Variants in UNC13C observed in about 807,000 individuals in gnomAD.
UNC13C encodes the protein unc-13 homolog C, also known as protein unc-13 homolog C.
Under a neutral mutation model 245.4 loss-of-function variants are expected in UNC13C, and 174 were observed. The observed-to-expected ratio is 0.71, with a 90% CI of 0.63 to 0.80. The LOEUF is 0.80. Among genes scored for constraint, UNC13C ranks in the 30% least tolerant of loss-of-function variants. The probability of loss-of-function intolerance (pLI) is 0.00; values close to 1 mark genes in which losing one functional copy is unlikely to be tolerated. For missense variants in UNC13C, 2,829 were observed against 2,602.9 expected (o/e 1.09, Z -1.89); for synonymous variants, 992 against 895.1 (o/e 1.11, Z -1.93).
intron 4 of UNC13C, among the ~76,000 whole-genome samples, chr15:54,194,426 G>T (rs2034286543): frequency 6.6e-6 from 1 of 151,946 alleles, no homozygotes. Context: ...ATTATTTGTG[G>T]CAAGGACAAT....
chr15:54,347,510 G>A (rs1399264128), intron 17 of UNC13C, among the ~76,000 whole-genome samples: 1 of 152,112 alleles, frequency 6.6e-6, no homozygotes, highest in Non-Finnish European at 1.5e-5. Context: ...TAGTTCTGAA[G>A]CACACTTAGG....
At chr15:53,913,860 T>C in the UNC13C span, 4 of 152,212 alleles carry the variant, frequency 2.6e-5, no homozygotes, top group African/African-American at 9.7e-5. Flanking sequence ...GCTGCCTGGA[T>C]TGCTGCCACA....
intron 18 of UNC13C, among the ~76,000 whole-genome samples, chr15:54,408,976 A>C (rs184705018): frequency 1.1e-3 from 171 of 152,150 alleles, no homozygotes; most frequent in Admixed American, 4.1e-3. Flanking sequence ...CAATGAGGGG[A>C]CTCCTGGGGC....
chr15:54,076,354 C>T (rs529466378), intron 2 of UNC13C, among the ~76,000 whole-genome samples: 85 of 145,708 alleles, frequency 5.8e-4, no homozygotes, highest in Non-Finnish European at 5.8e-4. Flanking sequence ...TGAGAATATG[C>T]GGTGTTTGGT....
chr15:54,027,068 C>T (rs1896140724), intron 2 of UNC13C, among the ~76,000 whole-genome samples: 1 of 150,452 alleles, frequency 6.6e-6, no homozygotes, highest in Admixed American at 6.7e-5. Context: ...AGAATGAATA[C>T]ATTGAGCCAG....
At chr15:54,301,875 C>T (rs2037592836) in intron 13 of UNC13C, among the ~76,000 whole-genome samples, 1 of 152,132 alleles carries the variant, frequency 6.6e-6, no homozygotes, top group Non-Finnish European at 1.5e-5. Flanking sequence ...CTGTGTTCCA[C>T]AATGGTTGAA....
the UNC13C span, among the ~76,000 whole-genome samples, chr15:53,937,972 A>G: frequency 6.6e-6 from 1 of 152,198 alleles, no homozygotes; most frequent in Non-Finnish European, 1.5e-5. Flanking sequence ...GCAACCACAT[A>G]AACAAGTCTG....
chr15:54,408,182 A>T (rs1410008425), intron 18 of UNC13C, among the ~76,000 whole-genome samples: 1 of 121,154 alleles, frequency 8.3e-6, no homozygotes, highest in Non-Finnish European at 1.6e-5. Flanking sequence ...CCTGGGTGAC[A>T]GAGTGAGACT....
chr15:54,296,195 A>T (rs894838564), intron 11 of UNC13C, among the ~76,000 whole-genome samples: 10 of 150,198 alleles, frequency 6.7e-5, no homozygotes, highest in African/African-American at 2.5e-4. Context: ...GAGAATTTTT[A>T]TTTTTATTTA....
At chr15:54,122,936 G>A (rs1017713093) in intron 2 of UNC13C, among the ~76,000 whole-genome samples, 1 of 151,978 alleles carries the variant, frequency 6.6e-6, no homozygotes, top group African/African-American at 2.4e-5. Flanking sequence ...AAGTATTCAT[G>A]TGAACATGTA....
chr15:54,038,720 G>C (rs1418806104), intron 2 of UNC13C, among the ~76,000 whole-genome samples: 1 of 152,078 alleles, frequency 6.6e-6, no homozygotes, highest in Non-Finnish European at 1.5e-5. Flanking sequence ...AAACCTAACA[G>C]TTCTCTTTGA....
chr15:54,289,678 G>A lies in UNC13C; in HGVS notation c.3819-4217G>A, dbSNP rs545827481. Among the ~76,000 whole-genome samples, 283 of 152,236 alleles carry A rather than the reference G, an allele frequency of 1.9e-3. 1 individual carries two copies. The highest frequency in any genetic ancestry group is 6.6e-3 in the African/African-American group (275 of 41,564). ...AAGTACTAGCTTCTGAAGCTACTGTGTGGGAACTGGGTCAAATTATGTGGT... is the reference window on the plus strand; with the variant it reads ...AAGTACTAGCTTCTGAAGCTACTGTATGGGAACTGGGTCAAATTATGTGGT... On this transcript the variant is annotated intron_variant, in intron 10 of 32. Coordinates refer to ENST00000260323, the MANE Select transcript of UNC13C (RefSeq NM_001080534.3).
chr15:54,606,631 A>G (rs1455013940), intron 30 of UNC13C, among the ~76,000 whole-genome samples: 3 of 152,224 alleles, frequency 2.0e-5, no homozygotes, highest in Admixed American at 6.5e-5. Context: ...ACATTGTTCA[A>G]TCCTCGTAGT....
At chr15:54,168,881 T>C (rs914229747) in intron 4 of UNC13C, among the ~76,000 whole-genome samples, 1 of 152,224 alleles carries the variant, frequency 6.6e-6, no homozygotes, top group African/African-American at 2.4e-5. Flanking sequence ...TAACAAGTGC[T>C]GTGTCTATGC....
chr15:54,581,453 C>T (rs1369936924), intron 30 of UNC13C, among the ~76,000 whole-genome samples: 1 of 152,198 alleles, frequency 6.6e-6, no homozygotes, highest in Admixed American at 6.5e-5. Context: ...GCCACCAATT[C>T]CATTTCTGAT....
intron 17 of UNC13C, among the ~76,000 whole-genome samples, chr15:54,385,230 ACCG>A (rs1489236012): frequency 6.6e-6 from 1 of 152,160 alleles, no homozygotes; most frequent in African/African-American, 2.4e-5. Flanking sequence ...GCCCACTTTC[ACCG>A]CTTCTATTCA....
intron 30 of UNC13C, among the ~76,000 whole-genome samples, chr15:54,592,973 T>C (rs1898883172): frequency 6.6e-6 from 1 of 152,040 alleles, no homozygotes; most frequent in Non-Finnish European, 1.5e-5. Flanking sequence ...GAGTTAGAGC[T>C]CCTTTTAGCA....
At chr15:54,417,947 C>T (rs764325621) in intron 19 of UNC13C, among the ~76,000 whole-genome samples, 2 of 152,106 alleles carry the variant, frequency 1.3e-5, no homozygotes, top group African/African-American at 4.8e-5. Flanking sequence ...TTGTTTGAGA[C>T]GGAGTCTAGC....
the UNC13C span, among the ~76,000 whole-genome samples, chr15:53,967,836 A>G: frequency 1.3e-5 from 2 of 152,216 alleles, no homozygotes; most frequent in African/African-American, 4.8e-5. Context: ...AGATAGTAAA[A>G]TATGAAACAG....
Sources: allele counts gnomAD v4.1 joint callset (sites outside exome capture counted in the v4.1 genomes callset), GRCh38; gene constraint gnomAD v4.1.1; transcripts MANE v1.5; gene names NCBI Gene and HGNC (gene_info 2026-07-23, HGNC 2026-07-21).